Variants in ZNF213 observed in about 807,000 individuals in gnomAD.
The protein encoded by ZNF213 is putative transcription factor CR53.
A neutral mutation model predicts 46.0 loss-of-function variants in ZNF213; 32 were observed. The ratio of observed to expected loss-of-function variants is 0.70; its 90% CI spans 0.52 to 0.93. ZNF213 has a LOEUF of 0.93. ZNF213 is among the 40% of genes least tolerant of loss of function. ZNF213 has a pLI of 0.00. For missense variants in ZNF213, 639 were observed against 652.8 expected, an observed-to-expected ratio of 0.98 and a Z score of 0.23; for synonymous variants, 297 against 271.0, an observed-to-expected ratio of 1.10 and a Z score of -0.94.
rs1957620403 is a variant in ZNF213, at chr16:3,142,383, T to TAAC, written c.*1036_*1037insAAC. 1 of 103,600 alleles carries TAAC rather than the reference T, an allele frequency of 9.7e-6. No homozygotes were observed. Among genetic ancestry groups the TAAC allele is most frequent in the Admixed American group, 1.1e-4 (1 of 8,912 alleles). The allele number at this position is 103,600 out of a possible 1,614,324, so 6.4% of individuals were successfully genotyped here. The stretch of plus-strand genomic sequence containing the variant: ...TAATGACCCGCTCCTTTGACATTGG[T>TAAC]GCCCCACTCCATCAGCACTAACGCC... On this transcript the variant is annotated 3_prime_UTR_variant, in exon 6 of 6. Coordinates refer to ENST00000396878, the MANE Select transcript of ZNF213 (RefSeq NM_004220.3).
intron 2 of ZNF213, 22 bp from the exon 3 acceptor site, chr16:3,138,396 G>T (rs747732577): frequency 1.7e-5 from 28 of 1,613,134 alleles, no homozygotes; most frequent in Non-Finnish European, 2.0e-5. Context: ...GGGCTGATGA[G>T]CATGTTGTGG....
At position 3,141,643 on chromosome 16, in the gene ZNF213, C is replaced by G; in HGVS notation, c.*296C>G. The G allele has an allele frequency of 2.2e-6, 1 of 448,976 alleles. No individual in the cohort carries two copies. Among genetic ancestry groups the G allele is most frequent in the Non-Finnish European group, 4.0e-6 (1 of 253,036 alleles). 27.8% of individuals were successfully genotyped at this position (448,976 alleles called of 1,614,324 possible). Reference sequence around the variant, plus strand: ...CCCAACACATTCCTGGCAGGGACAGCAGGGTGGCAAGGACTCAGGTCTAGG... The same window carrying G: ...CCCAACACATTCCTGGCAGGGACAGGAGGGTGGCAAGGACTCAGGTCTAGG... On this transcript the variant is annotated 3_prime_UTR_variant, in exon 6 of 6. Transcript: ENST00000396878.
chr16:3,139,321 G>C (rs1460030920), intron 5 of ZNF213: 6 of 589,848 alleles, frequency 1.0e-5, no homozygotes, highest in Non-Finnish European at 2.9e-6. Flanking sequence ...TGCTCTAAGG[G>C]CAACTTCTCC....
chr16:3,138,625 G>C (rs925914592), intron 3 of ZNF213, 84 bp downstream of exon 3: 2 of 1,611,154 alleles, frequency 1.2e-6, no homozygotes, highest in African/African-American at 2.7e-5. Flanking sequence ...AAGGGTCACA[G>C]GCAGGACAGC....
intron 1 of ZNF213, 87 bp downstream of exon 1, chr16:3,135,474 G>A (rs1300499641): frequency 1.3e-5 from 2 of 152,240 alleles, no homozygotes; most frequent in South Asian, 4.1e-4. Context: ...GGTCTTGTGA[G>A]GAGCAGAATA....
In ZNF213 at chr16:3,141,320, CG is replaced by C; in HGVS notation, c.1354del (p.Ala452ProfsTer95). On this transcript the variant is annotated frameshift_variant, in exon 6 of 6. Transcript: ENST00000396878. LOFTEE classifies it high-confidence loss of function. ...ACCTCATCGCGCATCAGAGCCTGCA[CG>C]CCAAGATGGCCCAGCCCGTGGGGTG... ...AHLIAHQSLH[A>X]KMAQPVG 1 of 1,580,494 alleles carries C rather than the reference CG, an allele frequency of 6.3e-7. No homozygotes were observed. Among genetic ancestry groups the C allele is most frequent in the Non-Finnish European group, 8.6e-7 (1 of 1,164,686 alleles).
chr16:3,138,388 G>T (rs372391601), intron 2 of ZNF213, 30 bp from the exon 3 acceptor site: 268 of 1,612,838 alleles, frequency 1.7e-4, no homozygotes, highest in Non-Finnish European at 2.2e-4. Flanking sequence ...CTGGTCTCGG[G>T]CTGATGAGCA....
rs1443480222 is a variant in ZNF213 at position 3,139,097 on chromosome 16, G to C, written c.720G>C (p.Leu240=). ...GGGAGAACTCCCGGAACACCACCCTGGGTAAGCACCCAGGGCCTTTGGGTC... is the reference window on the plus strand; with the variant it reads ...GGGAGAACTCCCGGAACACCACCCTCGGTAAGCACCCAGGGCCTTTGGGTC... ...IKRENSRNTT[L]GFGLKGQSEK... The change falls in exon 5 of 6, where the codon CTG becomes CTC. Residue 240 remains leucine, a splice_region_variant and synonymous_variant. Coordinates refer to ENST00000396878, the MANE Select transcript of ZNF213 (RefSeq NM_004220.3). 2 of 1,613,726 alleles carry C rather than the reference G, an allele frequency of 1.2e-6. No homozygotes were observed. The highest frequency in any genetic ancestry group is 1.7e-6 in the Non-Finnish European group (2 of 1,179,974).
chr16:3,137,846 T>C, intron 2 of ZNF213, 167 bp downstream of exon 2: 1 of 833,326 alleles, frequency 1.2e-6, no homozygotes, highest in East Asian at 2.7e-5. Context: ...TTCTGAAAGA[T>C]GCGATCCAAA....
At chr16:3,137,130 T>A in intron 1 of ZNF213, 36 bp from the exon 2 acceptor site, 1 of 1,027,578 alleles carries the variant, frequency 9.7e-7, no homozygotes, top group Non-Finnish European at 1.4e-6. Flanking sequence ...TTCCACATCC[T>A]TCCTCCTCAG....
chr16:3,142,205 G>T lies in ZNF213; in HGVS notation c.*858G>T. ...TCGGCCCCGGCACCCTGCTCCATCGGCACTGGCGCCCTGCTCCATCGGCAC... is the reference window on the plus strand; with the variant it reads ...TCGGCCCCGGCACCCTGCTCCATCGTCACTGGCGCCCTGCTCCATCGGCAC... On this transcript the variant is annotated 3_prime_UTR_variant, in exon 6 of 6. Coordinates refer to ENST00000396878, the MANE Select transcript of ZNF213 (RefSeq NM_004220.3). 5.3e-6 allele frequency: 1 copy of T among 190,074 alleles called. No homozygotes were observed. The highest frequency in any genetic ancestry group is 5.6e-5 in the South Asian group (1 of 17,774). The allele number at this position is 190,074 out of a possible 1,614,324, so 11.8% of individuals were successfully genotyped here. A position where few individuals can be genotyped will look rare whatever the true frequency, so the allele number is the denominator to read the frequency against.
chr16:3,137,445 T>C lies in ZNF213; in HGVS notation c.165T>C (p.Asp55=), dbSNP rs764862392. The part of the protein sequence containing the change: ...RQRFRQFCYG[D]VHGPHEAFSQ... ...GCTTCCGGCAATTCTGCTACGGGGA[T>C]GTGCATGGGCCTCATGAGGCCTTCA... The change falls in exon 2 of 6, where the codon GAT becomes GAC. Residue 55 remains aspartate, a synonymous_variant. Coordinates refer to ENST00000396878, the MANE Select transcript of ZNF213 (RefSeq NM_004220.3). 13 of 1,613,930 alleles carry C rather than the reference T, an allele frequency of 8.1e-6. No homozygotes were observed. The highest frequency in any genetic ancestry group is 1.1e-5 in the Non-Finnish European group (13 of 1,180,028).
chr16:3,140,526 C>T, intron 5 of ZNF213, 163 bp from the exon 6 acceptor site: 2 of 1,084,128 alleles, frequency 1.8e-6, no homozygotes, highest in East Asian at 3.2e-5. Flanking sequence ...CCTGGCCAAT[C>T]ATCCCTGTTT....
rs1222327606 is a variant in ZNF213, at chr16:3,141,303, G to T, written c.1336G>T (p.Ala446Ser). ...CTTCAAGCAGCGCGCGCACCTCATCGCGCATCAGAGCCTGCACGCCAAGAT... is the reference window on the plus strand; with the variant it reads ...CTTCAAGCAGCGCGCGCACCTCATCTCGCATCAGAGCCTGCACGCCAAGAT... ...KSFKQRAHLI[A>S]HQSLHAKMAQ... Residue 446 changes from alanine to serine, a missense_variant, in exon 6 of 6, where the codon GCG becomes TCG. Coordinates refer to ENST00000396878, the MANE Select transcript of ZNF213 (RefSeq NM_004220.3). 1.1e-5 allele frequency: 18 copies of T among 1,600,836 alleles called. No individual in the cohort carries two copies. The highest frequency in any genetic ancestry group is 5.0e-5 in the Admixed American group (3 of 59,476).
At chr16:3,138,919 C>G in intron 4 of ZNF213, 56 bp from the exon 5 acceptor site, 3 of 1,613,828 alleles carry the variant, frequency 1.9e-6, no homozygotes, top group Non-Finnish European at 2.5e-6. Flanking sequence ...CTGACCCATC[C>G]TGTCCCCGCC....
intron 3 of ZNF213, 94 bp from the exon 4 acceptor site, chr16:3,138,651 C>T (rs1957569127): frequency 6.2e-7 from 1 of 1,609,978 alleles, no homozygotes; most frequent in Admixed American, 1.7e-5. Flanking sequence ...CTGTGAAGTC[C>T]AGGGCGTGTG....
intron 2 of ZNF213, chr16:3,137,902 C>T: frequency 3.2e-6 from 2 of 615,870 alleles, no homozygotes; most frequent in South Asian, 4.0e-5. Context: ...AGCAATAGGG[C>T]TGAAGTGCGA....
chr16:3,137,274 C>T lies in ZNF213; in HGVS notation c.-7C>T. On this transcript the variant is annotated 5_prime_UTR_variant, in exon 2 of 6. Transcript: ENST00000396878. ...AGCCGACCAACCCTGAGCCTCAGGC[C>T]AGGGGAATGGCAGCCCCCTTGGAGG... The T allele has an allele frequency of 6.3e-7, 1 of 1,584,460 alleles. No homozygotes were observed. The highest frequency in any genetic ancestry group is 8.6e-7 in the Non-Finnish European group (1 of 1,164,022).
In ZNF213 at chr16:3,141,362, C is replaced by A. The variant is rs766223391; in HGVS notation, c.*15C>A. On this transcript the variant is annotated 3_prime_UTR_variant, in exon 6 of 6. Coordinates refer to ENST00000396878, the MANE Select transcript of ZNF213 (RefSeq NM_004220.3). ...CCGTGGGGTGAGCAGCTGGCTTGGC[C>A]GGAAACCCGGGGGAGGCCCAGCCAC... is the stretch of plus-strand genomic sequence containing the variant. 6.5e-7 allele frequency: 1 copy of A among 1,526,848 alleles called. No individual in the cohort carries two copies. The highest frequency in any genetic ancestry group is 2.3e-5 in the East Asian group (1 of 44,130). 94.6% of individuals were successfully genotyped at this position (1,526,848 alleles called of 1,614,324 possible).
Sources: gnomAD v4.1 joint callset for allele counts on GRCh38, gnomAD v4.1.1 for gene constraint, MANE v1.5 for transcripts, NCBI Gene and HGNC (gene_info 2026-07-23, HGNC 2026-07-21) for gene names.